Variants in RGL1 observed in about 807,000 individuals in gnomAD.
RGL1 encodes the protein ral guanine nucleotide dissociation stimulator like 1, also known as ral guanine nucleotide dissociation stimulator-like 1.
In RGL1, 24 loss-of-function variants were observed where a neutral mutation model predicts 95.2. That is an observed-to-expected ratio of 0.25 (90% CI 0.18 to 0.35). The LOEUF is 0.35. RGL1 is among the 10% of genes least tolerant of loss of function. The pLI is 1.00. For synonymous variants in RGL1, 329 were observed against 344.9 expected, an observed-to-expected ratio of 0.95 and a Z score of 0.51; for missense variants, 715 against 936.3, an observed-to-expected ratio of 0.76 and a Z score of 3.08.
intron 1 of RGL1, among the ~76,000 whole-genome samples, chr1:183,698,823 T>C (rs1485829169): frequency 6.6e-6 from 1 of 152,242 alleles, no homozygotes; most frequent in African/African-American, 2.4e-5. Flanking sequence ...TTCCTATGGC[T>C]TACTCATCAT....
intron 8 of RGL1, among the ~76,000 whole-genome samples, 198 bp from the exon 9 acceptor site, chr1:183,891,879 G>A (rs1346971030): frequency 6.6e-6 from 1 of 151,386 alleles, no homozygotes; most frequent in African/African-American, 2.4e-5. Context: ...CACAGGGGTG[G>A]CCAAGTCCAC....
intron 4 of RGL1, among the ~76,000 whole-genome samples, chr1:183,878,175 T>C (rs1198490368): frequency 1.3e-5 from 2 of 151,948 alleles, no homozygotes; most frequent in East Asian, 3.9e-4. Flanking sequence ...TATCTATCTA[T>C]CTATCTATCT....
intron 1 of RGL1, among the ~76,000 whole-genome samples, chr1:183,717,706 G>A (rs999813587): frequency 2.0e-5 from 3 of 152,156 alleles, no homozygotes; most frequent in African/African-American, 4.8e-5. Flanking sequence ...GATAGATTCC[G>A]CCCTTGTGGC....
In RGL1 at chr1:183,916,641, C is replaced by T; in HGVS notation, c.1944C>T (p.Asp648=). The T allele has an allele frequency of 6.2e-7, 1 of 1,613,974 alleles. No homozygotes were observed. The highest frequency in any genetic ancestry group is 8.5e-7 in the Non-Finnish European group (1 of 1,180,008). Residue 648 remains aspartate, a synonymous_variant, in exon 16 of 18, where the codon GAC becomes GAT. Coordinates refer to ENST00000360851, the MANE Select transcript of RGL1 (RefSeq NM_001297671.3). ...CTGTTTACAACCAACAGAATGAAGA[C>T]ACCTGCATAATCCGCATCAGTGTGG... ...LPPVYNQQNE[D]TCIIRISVED...
intron 2 of RGL1, among the ~76,000 whole-genome samples, chr1:183,773,725 A>T (rs1170562675): frequency 6.6e-6 from 1 of 152,242 alleles, no homozygotes; most frequent in Non-Finnish European, 1.5e-5. Flanking sequence ...CCTTGTGGTC[A>T]GGTCACGCTT....
chr1:183,652,171 C>A (rs1378593548), intron 1 of RGL1, among the ~76,000 whole-genome samples: 2 of 152,076 alleles, frequency 1.3e-5, no homozygotes, highest in Admixed American at 1.3e-4. Context: ...CCATAATTAC[C>A]CTTTTGGGAA....
chr1:183,661,489 C>T (rs1192256531), intron 1 of RGL1, among the ~76,000 whole-genome samples: 1 of 152,086 alleles, frequency 6.6e-6, no homozygotes, highest in Non-Finnish European at 1.5e-5. Flanking sequence ...ACACATACAC[C>T]TTCCCAAGAC....
intron 2 of RGL1, among the ~76,000 whole-genome samples, chr1:183,758,479 G>A (rs971259454): frequency 7.9e-5 from 12 of 152,168 alleles, no homozygotes; most frequent in African/African-American, 2.9e-4. Context: ...TTACAGGCAT[G>A]AGCCACCGTG....
chr1:183,852,020 T>C (rs1366798186), intron 3 of RGL1, among the ~76,000 whole-genome samples: 1 of 152,246 alleles, frequency 6.6e-6, no homozygotes, highest in African/African-American at 2.4e-5. Flanking sequence ...TTTGGTTTCT[T>C]AATAGTAGTT....
At chr1:183,677,250 T>C (rs1652888500) in intron 1 of RGL1, among the ~76,000 whole-genome samples, 1 of 151,274 alleles carries the variant, frequency 6.6e-6, no homozygotes, top group South Asian at 2.1e-4. Flanking sequence ...AGCCACAACT[T>C]CTCTCACTAA....
At chr1:183,681,839 G>A (rs1200841840) in intron 1 of RGL1, among the ~76,000 whole-genome samples, 1 of 152,116 alleles carries the variant, frequency 6.6e-6, no homozygotes, top group Non-Finnish European at 1.5e-5. Context: ...ATTAATTACT[G>A]CCTCAATTTA....
chr1:183,695,206 A>C (rs1654184696), intron 1 of RGL1, among the ~76,000 whole-genome samples: 1 of 152,238 alleles, frequency 6.6e-6, no homozygotes, highest in Non-Finnish European at 1.5e-5. Flanking sequence ...GATGCCAAAA[A>C]GTCCTTGATA....
At chr1:183,753,387 T>C (rs988770999) in intron 2 of RGL1, among the ~76,000 whole-genome samples, 1 of 152,236 alleles carries the variant, frequency 6.6e-6, no homozygotes, top group Non-Finnish European at 1.5e-5. Context: ...CAAGACATAT[T>C]TGTCAAGAAC....
intron 16 of RGL1, among the ~76,000 whole-genome samples, chr1:183,918,282 C>T (rs928276523): frequency 6.6e-6 from 1 of 152,036 alleles, no homozygotes; most frequent in Middle Eastern, 3.2e-3. Flanking sequence ...GACGTGGTCT[C>T]GCGAGACTGA....
At chr1:183,723,190 T>C (rs1277349458) in intron 1 of RGL1, among the ~76,000 whole-genome samples, 1 of 152,112 alleles carries the variant, frequency 6.6e-6, no homozygotes, top group Non-Finnish European at 1.5e-5. Flanking sequence ...GTATAGCCAA[T>C]AAACCAATAG....
intron 1 of RGL1, among the ~76,000 whole-genome samples, chr1:183,665,433 A>G (rs945299080): frequency 1.6e-4 from 25 of 152,188 alleles, no homozygotes; most frequent in East Asian, 3.8e-4. Context: ...ACTTGCTTCT[A>G]TCTTCTGAAA....
rs1473550191 is a variant in RGL1, at chr1:183,883,646, T to C, written c.611-140T>C. ...AAGATCTCCATTGTTCTCAGATGCA[T>C]TGTGCTTGTGGTTGTCTCCCTGTGG... On this transcript the variant is annotated intron_variant, in intron 5 of 17. Transcript: ENST00000360851. 7.5e-6 allele frequency: 6 copies of C among 798,930 alleles called. No individual in the cohort carries two copies. The Admixed American group carries it at 1.4e-4, about 19-fold the overall frequency. The allele number at this position is 798,930 out of a possible 1,614,324, so 49.5% of individuals were successfully genotyped here.
At chr1:183,840,798 G>C (rs1028601740) in intron 2 of RGL1, among the ~76,000 whole-genome samples, 8 of 152,060 alleles carry the variant, frequency 5.3e-5, no homozygotes, top group African/African-American at 1.7e-4. Flanking sequence ...AGGCTGAGGT[G>C]GGAGGAATGC....
At chr1:183,646,367 G>A (rs909605841) in intron 1 of RGL1, 11 of 151,714 alleles carry the variant, frequency 7.3e-5, no homozygotes, top group African/African-American at 2.7e-4. Flanking sequence ...CCCTTATGGA[G>A]TATTAAATGT....
Sources: allele counts gnomAD v4.1 joint callset (sites outside exome capture counted in the v4.1 genomes callset), GRCh38; gene constraint gnomAD v4.1.1; transcripts MANE v1.5; gene names NCBI Gene and HGNC (gene_info 2026-07-23, HGNC 2026-07-21).